Variants in MAST2 observed in about 807,000 individuals in gnomAD.
The protein encoded by MAST2 is microtubule-associated serine/threonine-protein kinase 2.
MAST2 carries 70 observed loss-of-function variants against 147.4 expected under a neutral mutation model. The ratio of observed to expected loss-of-function variants is 0.47; its 90% confidence interval spans 0.39 to 0.58. The LOEUF is 0.58. MAST2 is among the 20% of genes least tolerant of loss of function. The probability of loss-of-function intolerance (pLI) is 0.00; values close to 1 mark genes in which losing one functional copy is unlikely to be tolerated. For synonymous variants in MAST2, 869 were observed against 896.8 expected, an observed-to-expected ratio of 0.97 and a Z score of 0.55; for missense variants, 2,080 against 2,302.3, an observed-to-expected ratio of 0.90 and a Z score of 1.98.
intron 5 of MAST2, among the ~76,000 whole-genome samples, chr1:45,996,998 AGG>A (rs1645083142): frequency 6.6e-6 from 1 of 152,160 alleles, no homozygotes; most frequent in Non-Finnish European, 1.5e-5. Flanking sequence ...ACTGCCAACA[AGG>A]GGCTCCTACG....
At chr1:45,829,702 A>G (rs1644893970) in intron 3 of MAST2, 121 bp downstream of exon 3, 9 of 1,019,178 alleles carry the variant, frequency 8.8e-6, no homozygotes, top group Non-Finnish European at 1.1e-5. Context: ...AAAATGAAGT[A>G]TGGAAGAGAA....
At chr1:45,928,060 T>A (rs1654684441) in intron 4 of MAST2, among the ~76,000 whole-genome samples, 2 of 152,210 alleles carry the variant, frequency 1.3e-5, no homozygotes, top group Non-Finnish European at 2.9e-5. Flanking sequence ...TTTTATTTAC[T>A]AAATTTTACA....
intron 4 of MAST2, among the ~76,000 whole-genome samples, chr1:45,915,532 A>T (rs1200522264): frequency 6.6e-6 from 1 of 152,074 alleles, no homozygotes; most frequent in Non-Finnish European, 1.5e-5. Flanking sequence ...AACACGGTGA[A>T]ACTCTGTCTC....
At position 46,006,340 on chromosome 1, in the gene MAST2, C is replaced by G. The variant is rs533031530; in HGVS notation, c.847C>G (p.Pro283Ala). 1 of 1,613,934 alleles carries G rather than the reference C, an allele frequency of 6.2e-7. No homozygotes were observed. The highest frequency in any genetic ancestry group is 1.7e-5 in the Admixed American group (1 of 59,996). The change falls in exon 8 of 29, where the codon CCA becomes GCA. Residue 283 changes from proline to alanine, a missense_variant. By Grantham distance (27) the Pro-to-Ala change is conservative (BLOSUM62 -1). Coordinates refer to ENST00000361297, the MANE Select transcript of MAST2 (RefSeq NM_015112.3). The part of the protein sequence containing the change: ...LTKHFSTESV[P>A]DEEGRQSPAM... ...GAAGCATTTCAGCACAGAGAGCGTA[C>G]CAGATGAGGAAGGACGGCAGTCCCC... is the stretch of plus-strand genomic sequence containing the variant.
intron 2 of MAST2, among the ~76,000 whole-genome samples, chr1:45,828,782 G>A (rs1227102646): frequency 6.6e-6 from 1 of 152,172 alleles, no homozygotes; most frequent in Non-Finnish European, 1.5e-5. Context: ...ACATGAGCCA[G>A]GTGTGGTGGT....
chr1:45,827,128 C>T (rs554960531), intron 2 of MAST2, among the ~76,000 whole-genome samples: 1 of 152,228 alleles, frequency 6.6e-6, no homozygotes, highest in East Asian at 1.9e-4. Context: ...ACGCTCTGCC[C>T]AGGTTACTTC....
intron 4 of MAST2, among the ~76,000 whole-genome samples, chr1:45,940,375 T>TA (rs2148794140): frequency 6.6e-6 from 1 of 152,294 alleles, no homozygotes; most frequent in East Asian, 1.9e-4. Context: ...AATTTATTTC[T>TA]AAGTATTTTA....
At chr1:45,863,527 C>A (rs1383796962) in intron 3 of MAST2, among the ~76,000 whole-genome samples, 3 of 152,164 alleles carry the variant, frequency 2.0e-5, no homozygotes, top group Non-Finnish European at 4.4e-5. Flanking sequence ...GGACATGGAT[C>A]CTGTTTTTTG....
At chr1:45,900,914 G>A (rs1165023351) in intron 4 of MAST2, among the ~76,000 whole-genome samples, 2 of 152,078 alleles carry the variant, frequency 1.3e-5, no homozygotes, top group Admixed American at 6.6e-5. Context: ...TTTGTTGGAT[G>A]CGTAGTTGGC....
At chr1:45,975,900 C>T (rs751578046) in intron 5 of MAST2, among the ~76,000 whole-genome samples, 17 of 151,826 alleles carry the variant, frequency 1.1e-4, no homozygotes, top group Non-Finnish European at 1.8e-4. Context: ...AATTATATTC[C>T]CAATTTTGTA....
rs564974293 is a variant in MAST2, at chr1:45,859,090, C to T, written c.469-23274C>T. 1.1e-4 allele frequency among the ~76,000 whole-genome samples: 16 copies of T among 152,196 alleles called. No homozygotes were observed. In the East Asian group the frequency reaches 1.2e-3, roughly 11 times the overall value. On this transcript the variant is annotated intron_variant, in intron 3 of 28. Transcript: ENST00000361297. ...TTGGCTTAGGATTGTCTTGGCAATGCGGGCCCTTTTTTGGTTCCATATGAA... is the reference window on the plus strand; with the variant it reads ...TTGGCTTAGGATTGTCTTGGCAATGTGGGCCCTTTTTTGGTTCCATATGAA...
intron 3 of MAST2, among the ~76,000 whole-genome samples, chr1:45,866,284 G>A (rs1271622444): frequency 6.6e-6 from 1 of 152,022 alleles, no homozygotes; most frequent in South Asian, 2.1e-4. Context: ...AAACTCCAGC[G>A]CCTTATACTA....
chr1:45,854,193 C>T (rs1288988176), intron 3 of MAST2, among the ~76,000 whole-genome samples: 1 of 152,038 alleles, frequency 6.6e-6, no homozygotes, highest in African/African-American at 2.4e-5. Flanking sequence ...AACAATTAGC[C>T]AGGAGTGATG....
Position 46,035,482 on chromosome 1 carries a change from T to C in MAST2, c.4813T>C (p.Ser1605Pro). Residue 1605 changes from serine (S) to proline (P), a missense_variant, in exon 29 of 29, where the codon TCT becomes CCT. Coordinates refer to ENST00000361297, the MANE Select transcript of MAST2 (RefSeq NM_015112.3). The surrounding 1 kb of genome is among the most constrained non-coding windows in gnomAD (Gnocchi z 5.5). ...CTCAGCAGGCCCCAACCTAGGTCAGTCTGGAGCCACAGACCCCATCCCTCC... is the reference window on the plus strand; with the variant it reads ...CTCAGCAGGCCCCAACCTAGGTCAGCCTGGAGCCACAGACCCCATCCCTCC... ...SSSAGPNLGQ[S>P]GATDPIPPEG... 1 of 1,613,160 alleles carries C rather than the reference T, an allele frequency of 6.2e-7. No individual in the cohort carries two copies. The highest frequency in any genetic ancestry group is 1.1e-5 in the South Asian group (1 of 91,058).
chr1:46,029,898 G>A lies in MAST2; in HGVS notation c.2388G>A (p.Gln796=). 1 of 1,614,222 alleles carries A rather than the reference G, an allele frequency of 6.2e-7. No individual in the cohort carries two copies. The highest frequency in any genetic ancestry group is 2.2e-5 in the East Asian group (1 of 44,880). ...TGLDWTGLLR[Q]KAEFIPQLES... ...TGGACTGGACAGGACTTCTCCGCCA[G>A]AAGGCTGAATTTATTCCTCAGTTGG... The change falls in exon 20 of 29, where the codon CAG becomes CAA. Residue 796 remains glutamine (Q), a synonymous_variant. Coordinates refer to ENST00000361297, the MANE Select transcript of MAST2 (RefSeq NM_015112.3).
At chr1:45,984,362 G>C (rs1467208225) in intron 5 of MAST2, among the ~76,000 whole-genome samples, 1 of 149,912 alleles carries the variant, frequency 6.7e-6, no homozygotes, top group African/African-American at 2.5e-5. Flanking sequence ...ACAGTGCAGT[G>C]ACACAATCGT....
intron 4 of MAST2, among the ~76,000 whole-genome samples, chr1:45,887,966 C>G (rs953298506): frequency 5.3e-5 from 8 of 152,190 alleles, no homozygotes; most frequent in African/African-American, 1.9e-4. Flanking sequence ...CATATCCCTA[C>G]AGGGAACCAG....
At chr1:45,878,663 A>T (rs1646709353) in intron 3 of MAST2, among the ~76,000 whole-genome samples, 1 of 152,174 alleles carries the variant, frequency 6.6e-6, no homozygotes, top group African/African-American at 2.4e-5. Context: ...TATAGGATAC[A>T]TGGTCAATAT....
intron 6 of MAST2, among the ~76,000 whole-genome samples, chr1:45,998,821 G>A (rs551822154): frequency 7.9e-5 from 12 of 151,312 alleles, no homozygotes; most frequent in Non-Finnish European, 1.6e-4. Context: ...TCCGCCTCCC[G>A]GGTTCACGCC....
Sources: gnomAD v4.1 joint callset for allele counts (sites outside exome capture counted in the v4.1 genomes callset) on GRCh38, gnomAD v4.1.1 for gene constraint, Gnocchi (gnomAD v3.1) non-coding constraint, MANE v1.5 for transcripts, NCBI Gene and HGNC (gene_info 2026-07-23, HGNC 2026-07-21) for gene names.